The following ADGRD1 variants were observed in gnomAD, a reference collection of about 807,000 sequenced individuals.
ADGRD1 encodes G-protein coupled receptor 133.
In ADGRD1, 77 loss-of-function variants were observed where a neutral mutation model predicts 113.4. That is an observed-to-expected ratio of 0.68 (90% confidence interval 0.57 to 0.82). The LOEUF is 0.82. Ranked by LOEUF, ADGRD1 falls within the 40% of genes least tolerant of loss-of-function variation. ADGRD1 has a pLI of 0.00. For missense variants in ADGRD1, 1,036 were observed against 1,139.1 expected, an observed-to-expected ratio of 0.91 and a Z score of 1.30; for synonymous variants, 474 against 475.0, an observed-to-expected ratio of 1.00 and a Z score of 0.03.
At chr12:130,967,023 T>C in intron 3 of ADGRD1, 1 of 455,762 alleles carries the variant, frequency 2.2e-6, no homozygotes. Context: ...CCCAACAATC[T>C]TGAAACAGAA....
Position 131,138,223 on chromosome 12 carries a change from G to A in ADGRD1, c.2523G>A (p.Ser841=), listed in dbSNP as rs1244062324. The change falls in exon 24 of 25, where the codon TCG becomes TCA. Residue 841 remains serine (S), a synonymous_variant. Coordinates refer to ENST00000261654, the MANE Select transcript of ADGRD1 (RefSeq NM_198827.5). ...ARTSNAKPFH[S]DLMNGTRPGM... is the part of the protein sequence containing the mutation. ...CCTCCAACGCGAAGCCCTTCCACTC[G>A]GACCTCGTGAGTGCAGCCTCCATAA... 1.2e-5 allele frequency: 19 copies of A among 1,612,780 alleles called. No homozygotes were observed. The highest frequency in any genetic ancestry group is 3.3e-5 in the South Asian group (3 of 91,068).
At chr12:131,004,054 C>A in intron 10 of ADGRD1, 132 bp from the exon 11 acceptor site, 54 of 381,766 alleles carry the variant, frequency 1.4e-4, no homozygotes, top group Non-Finnish European at 1.9e-4. Flanking sequence ...GCCATGCTTT[C>A]TAAAGGTAAT....
Position 131,139,844 on chromosome 12 carries a change from A to C in ADGRD1, c.*581A>C, listed in dbSNP as rs947276807. 6.5e-6 allele frequency: 1 copy of C among 153,008 alleles called. No homozygotes were observed. The highest frequency in any genetic ancestry group is 1.9e-4 in the East Asian group (1 of 5,178). 9.5% of individuals were successfully genotyped at this position (153,008 alleles called of 1,614,324 possible). A position where few individuals can be genotyped will look rare whatever the true frequency, so the allele number is the denominator to read the frequency against. Reference sequence around the variant, plus strand: ...CTGTAGGTGGTGCCGGCGTGGGCCAACCTGTGCTGTGTCATCAGTTGGGGG... The same window carrying C: ...CTGTAGGTGGTGCCGGCGTGGGCCACCCTGTGCTGTGTCATCAGTTGGGGG... On this transcript the variant is annotated 3_prime_UTR_variant, in exon 25 of 25. Transcript: ENST00000261654.
chr12:130,998,065 A>G (rs1359889186), intron 8 of ADGRD1, among the ~76,000 whole-genome samples: 1 of 152,130 alleles, frequency 6.6e-6, no homozygotes, highest in African/African-American at 2.4e-5. Flanking sequence ...CCAGTCAGGC[A>G]TGGCAGGCTG....
intron 15 of ADGRD1, among the ~76,000 whole-genome samples, chr12:131,093,537 C>T (rs1887055677): frequency 6.6e-6 from 1 of 152,186 alleles, no homozygotes; most frequent in South Asian, 2.1e-4. Flanking sequence ...GTGGCAGGGG[C>T]CTGAATTACA....
rs541333646 is a variant in ADGRD1, at chr12:131,067,707, G to A, written c.1474-9094G>A. Among the ~76,000 whole-genome samples, 3 of 74,156 alleles carry A rather than the reference G, an allele frequency of 4.0e-5. No homozygotes were observed. The East Asian group carries it at 9.4e-4, about 23-fold the overall frequency. 48.6% of individuals were successfully genotyped at this position (74,156 alleles called of 152,430 possible). A position where few individuals can be genotyped will look rare whatever the true frequency, so the allele number is the denominator to read the frequency against. On this transcript the variant is annotated intron_variant, in intron 13 of 24. Transcript: ENST00000261654. ...CCCCTGATCCTTCTTCTGAGCAGGGGCTGCCCTCTGCCTCCTGTATTTCTG... is the reference window on the plus strand; with the variant it reads ...CCCCTGATCCTTCTTCTGAGCAGGGACTGCCCTCTGCCTCCTGTATTTCTG...
Position 131,104,844 on chromosome 12 carries a change from A to G in ADGRD1, c.1685A>G (p.His562Arg). The G allele has an allele frequency of 6.5e-7, 1 of 1,548,412 alleles. No individual in the cohort carries two copies. Among genetic ancestry groups the G allele is most frequent in the Non-Finnish European group, 8.7e-7 (1 of 1,146,844 alleles). ...TGCTCCCCGCAGCTTGCACGCGGAC[A>G]CCAGGTGGCGCTGTCGTCTATCAGC... ...QVVPLELARG[H>R]QVALSSISYV... is the part of the protein sequence containing the mutation. The change falls in exon 16 of 25, where the codon CAC (histidine) becomes CGC (arginine). Residue 562 changes from histidine to arginine, a missense_variant. Coordinates refer to ENST00000261654, the MANE Select transcript of ADGRD1 (RefSeq NM_198827.5).
At chr12:130,995,580 A>G (rs1593317617) in intron 8 of ADGRD1, among the ~76,000 whole-genome samples, 1 of 152,236 alleles carries the variant, frequency 6.6e-6, no homozygotes, top group Non-Finnish European at 1.5e-5. Context: ...GCCTGAATGC[A>G]CCGCCTCCTC....
chr12:131,103,042 T>TCCCTGG (rs1413371007), intron 15 of ADGRD1, among the ~76,000 whole-genome samples: 2 of 152,206 alleles, frequency 1.3e-5, no homozygotes, highest in African/African-American at 4.8e-5. Context: ...TTCTTCCGTC[T>TCCCTGG]CCCTGGCCCT....
chr12:130,979,271 G>C (rs1872681828), intron 4 of ADGRD1, among the ~76,000 whole-genome samples: 1 of 152,172 alleles, frequency 6.6e-6, no homozygotes, highest in Non-Finnish European at 1.5e-5. Flanking sequence ...GAAAGGTCCA[G>C]GCCTCTTCCA....
chr12:131,137,913 G>A (rs1306253532), intron 23 of ADGRD1: 1 of 480,874 alleles, frequency 2.1e-6, no homozygotes, highest in African/African-American at 2.0e-5. Flanking sequence ...GAGCCCAGCA[G>A]AGGCCACTCC....
At chr12:131,028,520 G>A (rs565612890) in intron 13 of ADGRD1, among the ~76,000 whole-genome samples, 27 of 152,268 alleles carry the variant, frequency 1.8e-4, no homozygotes, top group East Asian at 1.2e-3. Flanking sequence ...TGCCTAACCC[G>A]AGGCCATGAA....
At chr12:131,136,552 G>A (rs918591442) in intron 22 of ADGRD1, among the ~76,000 whole-genome samples, 1 of 152,234 alleles carries the variant, frequency 6.6e-6, no homozygotes, top group African/African-American at 2.4e-5. Context: ...GATGCGCAGG[G>A]TCAGGGCCCT....
chr12:130,997,778 C>A (rs1463202919), intron 8 of ADGRD1, among the ~76,000 whole-genome samples: 17 of 151,878 alleles, frequency 1.1e-4, no homozygotes, highest in African/African-American at 2.2e-4. Flanking sequence ...CAGGCAGAGA[C>A]GCTCCTCACT....
rs139674317 is a variant in ADGRD1, at chr12:131,052,660, G to A, written c.1474-24141G>A. ...GGTCTTTGTGGGGGAGGAATGAGAG[G>A]CTCACTAGAGTGAAATTAAATTAGG... On this transcript the variant is annotated intron_variant, in intron 13 of 24. Coordinates refer to ENST00000261654, the MANE Select transcript of ADGRD1 (RefSeq NM_198827.5). Among the ~76,000 whole-genome samples the A allele has an allele frequency of 2.9e-3, 445 of 152,306 alleles. 3 individuals carry two copies. The highest frequency in any genetic ancestry group is 2.4e-3 in the Non-Finnish European group (165 of 68,028).
chr12:130,954,448 T>G lies in ADGRD1; in HGVS notation c.-18T>G. The stretch of plus-strand genomic sequence containing the variant: ...CAGGAATTTCACTTGGCTCCGAGCT[T>G]TGACCTCCGAGAGAGCCATGGAAAA... On this transcript the variant is annotated 5_prime_UTR_variant, in exon 1 of 25. Transcript: ENST00000261654. The surrounding 1 kb of genome is among the most constrained non-coding windows in gnomAD (Gnocchi z 4.7). The G allele has an allele frequency of 6.5e-7, 1 of 1,534,338 alleles. No individual in the cohort carries two copies. Among genetic ancestry groups the G allele is most frequent in the African/African-American group, 1.4e-5 (1 of 71,988 alleles).
At chr12:131,030,382 C>T (rs1880560457) in intron 13 of ADGRD1, among the ~76,000 whole-genome samples, 1 of 152,202 alleles carries the variant, frequency 6.6e-6, no homozygotes, top group African/African-American at 2.4e-5. Flanking sequence ...GACTGTGCCG[C>T]TGAAATTGTT....
intron 15 of ADGRD1, among the ~76,000 whole-genome samples, chr12:131,089,581 G>T (rs1015986732): frequency 1.5e-5 from 2 of 137,336 alleles, no homozygotes; most frequent in Non-Finnish European, 3.1e-5. Context: ...CTCACTTCCT[G>T]GTAGTGCTCC....
intron 15 of ADGRD1, among the ~76,000 whole-genome samples, chr12:131,088,908 C>A (rs1886702556): frequency 1.3e-5 from 2 of 152,162 alleles, no homozygotes. Context: ...TGACCAGACG[C>A]CTGGGGTCTT....
Sources: allele counts gnomAD v4.1 joint callset (sites outside exome capture counted in the v4.1 genomes callset), GRCh38; gene constraint gnomAD v4.1.1; non-coding constraint Gnocchi (gnomAD v3.1); transcripts MANE v1.5; gene names NCBI Gene and HGNC (gene_info 2026-07-23, HGNC 2026-07-21).